The following GALNT13 variants were observed in gnomAD, a reference collection of about 807,000 sequenced individuals.
GALNT13 encodes the protein UDP-GalNAc:polypeptide N-acetylgalactosaminyltransferase 13.
In GALNT13, 28 loss-of-function variants were observed where a neutral mutation model predicts 64.2. The observed-to-expected ratio is 0.44, with a 90% CI of 0.32 to 0.60. The LOEUF (loss-of-function observed/expected upper bound fraction) is 0.60, where lower values mean the gene tolerates loss of function less well. GALNT13 is among the 20% of genes least tolerant of loss of function. The pLI is 0.05. For missense variants in GALNT13, 577 were observed against 669.8 expected (o/e 0.86, Z 1.53); for synonymous variants, 214 against 224.6 (o/e 0.95, Z 0.42).
At chr2:153,151,981 A>G in the GALNT13 span, among the ~76,000 whole-genome samples, 1 of 151,982 alleles carries the variant, frequency 6.6e-6, no homozygotes, top group Non-Finnish European at 1.5e-5. Context: ...AAAGTATAAT[A>G]ATAATAAAAA....
intron 7 of GALNT13, among the ~76,000 whole-genome samples, chr2:154,252,920 G>T (rs370378570): frequency 6.6e-6 from 1 of 152,040 alleles, no homozygotes; most frequent in South Asian, 2.1e-4. Context: ...TAAATTTTTT[G>T]ACCAAAACTG....
chr2:153,778,843 T>C, the GALNT13 span, among the ~76,000 whole-genome samples: 6 of 152,296 alleles, frequency 3.9e-5, no homozygotes, highest in South Asian at 1.2e-3. Context: ...ACCCAAATAG[T>C]TTTTCTTCAT....
chr2:154,441,207 G>A (rs1030302224), intron 12 of GALNT13, among the ~76,000 whole-genome samples: 1 of 152,058 alleles, frequency 6.6e-6, no homozygotes, highest in Non-Finnish European at 1.5e-5. Flanking sequence ...TTTAGGAAAA[G>A]GCATGAATAC....
the GALNT13 span, among the ~76,000 whole-genome samples, chr2:153,208,973 CTTTTTTT>C: frequency 5.4e-5 from 4 of 74,682 alleles, no homozygotes; most frequent in South Asian, 5.2e-4. Flanking sequence ...TGGTTTTGGT[CTTTTTTT>C]TTTTTTTTTT....
chr2:154,101,891 T>C (rs567741876), intron 3 of GALNT13, among the ~76,000 whole-genome samples: 1 of 152,290 alleles, frequency 6.6e-6, no homozygotes, highest in African/African-American at 2.4e-5. Context: ...TTTAATTTCC[T>C]TGTTCACCCA....
At chr2:154,123,295 G>T (rs546542010) in intron 3 of GALNT13, among the ~76,000 whole-genome samples, 1 of 151,924 alleles carries the variant, frequency 6.6e-6, no homozygotes, top group Non-Finnish European at 1.5e-5. Context: ...TTTTGTTCAT[G>T]TGGACATAGT....
At chr2:154,342,026 T>C (rs1695799276) in intron 9 of GALNT13, among the ~76,000 whole-genome samples, 1 of 152,028 alleles carries the variant, frequency 6.6e-6, no homozygotes, top group Non-Finnish European at 1.5e-5. Context: ...ATAGAAAGAC[T>C]TGGGGAGGAG....
At chr2:153,693,162 A>G in the GALNT13 span, among the ~76,000 whole-genome samples, 696 of 152,310 alleles carry the variant, frequency 4.6e-3, 7 homozygotes, top group African/African-American at 0.016. Context: ...CTGCACTGGA[A>G]TAGTCTAATC....
At chr2:153,514,294 A>G in the GALNT13 span, among the ~76,000 whole-genome samples, 3,793 of 152,070 alleles carry the variant, frequency 0.025, 155 homozygotes, top group African/African-American at 0.087. Context: ...CGGTGACTAT[A>G]TTTCTCAAGC....
the GALNT13 span, among the ~76,000 whole-genome samples, chr2:153,366,720 GACAC>G: frequency 0.1 from 10,960 of 108,814 alleles, 446 homozygotes; most frequent in Non-Finnish European, 0.11. Context: ...AGCACACAGG[GACAC>G]ACACACACAC....
the GALNT13 span, among the ~76,000 whole-genome samples, chr2:153,272,804 G>A: frequency 6.6e-6 from 1 of 152,176 alleles, no homozygotes; most frequent in Non-Finnish European, 1.5e-5. Context: ...CTGCTCTAAA[G>A]ACACATGCAC....
intron 11 of GALNT13, 56 bp from the exon 12 acceptor site, chr2:154,438,536 C>G: frequency 7.3e-7 from 1 of 1,360,774 alleles, no homozygotes; most frequent in Middle Eastern, 1.8e-4. Context: ...TAGATCTGCT[C>G]TATTGTGACA....
the GALNT13 span, among the ~76,000 whole-genome samples, chr2:153,346,053 C>A: frequency 6.6e-6 from 1 of 152,050 alleles, no homozygotes; most frequent in Admixed American, 6.6e-5. Flanking sequence ...CGGCTCACTG[C>A]AACCTCCACC....
At chr2:154,054,324 A>T (rs13430402) in intron 3 of GALNT13, among the ~76,000 whole-genome samples, 30,458 of 151,828 alleles carry the variant, frequency 0.2, 3,991 homozygotes, top group Middle Eastern at 0.32. Flanking sequence ...AAACAAGCAG[A>T]TTGTGAATTT....
the GALNT13 span, among the ~76,000 whole-genome samples, chr2:153,505,159 A>G: frequency 6.6e-6 from 1 of 152,076 alleles, no homozygotes; most frequent in Admixed American, 6.5e-5. Context: ...TTTCTAGTTT[A>G]TGTCCATAAA....
At chr2:154,139,978 A>G (rs572334404) in intron 3 of GALNT13, among the ~76,000 whole-genome samples, 8 of 152,238 alleles carry the variant, frequency 5.3e-5, no homozygotes, top group Middle Eastern at 6.8e-3. Flanking sequence ...TAATCTTAGT[A>G]TTCTTTAAAG....
the GALNT13 span, among the ~76,000 whole-genome samples, chr2:153,591,338 G>T: frequency 2.0e-5 from 3 of 152,052 alleles, no homozygotes; most frequent in Non-Finnish European, 4.4e-5. Flanking sequence ...CCAAACTCAT[G>T]AGTCAGAAGA....
the GALNT13 span, among the ~76,000 whole-genome samples, chr2:153,362,977 A>G: frequency 6.6e-6 from 1 of 152,264 alleles, no homozygotes; most frequent in South Asian, 2.1e-4. Context: ...AGACCACATA[A>G]TTGGAAGTAA....
intron 9 of GALNT13, among the ~76,000 whole-genome samples, chr2:154,345,317 A>G (rs189150956): frequency 3.2e-4 from 49 of 152,150 alleles, no homozygotes; most frequent in African/African-American, 1.1e-3. Flanking sequence ...AAAGGATTCA[A>G]GCTCACCAAA....
Sources: gnomAD v4.1 joint callset for allele counts (sites outside exome capture counted in the v4.1 genomes callset) on GRCh38, gnomAD v4.1.1 for gene constraint, MANE v1.5 for transcripts, NCBI Gene and HGNC (gene_info 2026-07-23, HGNC 2026-07-21) for gene names.